PRKG1: variants seen among roughly 807,000 people sequenced by gnomAD.
The protein encoded by PRKG1 is protein kinase cGMP-dependent 1.
In PRKG1, 35 loss-of-function variants were observed where a neutral mutation model predicts 88.1. The ratio of observed to expected loss-of-function variants is 0.40; its 90% CI spans 0.30 to 0.53. PRKG1 has a LOEUF of 0.53. Among genes scored for constraint, PRKG1 ranks in the 20% least tolerant of loss-of-function variants. The pLI is 0.59. For missense variants in PRKG1, 540 were observed against 839.8 expected (o/e 0.64, Z 4.41); for synonymous variants, 303 against 292.5 (o/e 1.04, Z -0.37).
intron 9 of PRKG1, among the ~76,000 whole-genome samples, chr10:52,226,130 G>A (rs527469017): frequency 6.6e-6 from 1 of 150,454 alleles, no homozygotes; most frequent in Non-Finnish European, 1.5e-5. Flanking sequence ...TTTGCTAAAA[G>A]TACTTCATGA....
chr10:52,017,012 T>C (rs1159728527), intron 5 of PRKG1, among the ~76,000 whole-genome samples: 1 of 152,124 alleles, frequency 6.6e-6, no homozygotes, highest in South Asian at 2.1e-4. Flanking sequence ...CAAAAAGACA[T>C]GTAAATTCCC....
intron 3 of PRKG1, among the ~76,000 whole-genome samples, chr10:51,495,263 T>A (rs1371062231): frequency 6.6e-6 from 1 of 151,980 alleles, no homozygotes; most frequent in Non-Finnish European, 1.5e-5. Flanking sequence ...CCCAGCTAAT[T>A]TTTTGTATTT....
intron 4 of PRKG1, among the ~76,000 whole-genome samples, chr10:51,847,603 ATT>A: frequency 6.7e-6 from 1 of 149,002 alleles, no homozygotes; most frequent in East Asian, 2.0e-4. Flanking sequence ...TTTAACAATG[ATT>A]TTTTTTTTCT....
intron 3 of PRKG1, among the ~76,000 whole-genome samples, chr10:51,762,517 T>A (rs1239546557): frequency 2.6e-5 from 4 of 152,192 alleles, no homozygotes; most frequent in African/African-American, 9.6e-5. Context: ...ATTCTACATC[T>A]AAAATATGAT....
chr10:51,294,987 G>C (rs909467720), intron 2 of PRKG1, among the ~76,000 whole-genome samples: 4 of 152,116 alleles, frequency 2.6e-5, no homozygotes, highest in South Asian at 4.1e-4. Context: ...GGAGACTGAG[G>C]GGGGAGGATT....
At chr10:52,106,351 G>T (rs570057394) in intron 7 of PRKG1, among the ~76,000 whole-genome samples, 5 of 152,282 alleles carry the variant, frequency 3.3e-5, no homozygotes, top group East Asian at 1.9e-4. Flanking sequence ...ACAGTGAACA[G>T]TTTTGTTACT....
At chr10:51,240,529 C>G (rs1839124101) in intron 2 of PRKG1, among the ~76,000 whole-genome samples, 1 of 152,152 alleles carries the variant, frequency 6.6e-6, no homozygotes, top group Non-Finnish European at 1.5e-5. Context: ...ATATTTTTGT[C>G]TCATCAGTAG....
intron 7 of PRKG1, among the ~76,000 whole-genome samples, chr10:52,132,850 G>A (rs1423613215): frequency 6.6e-6 from 1 of 151,962 alleles, no homozygotes; most frequent in South Asian, 2.1e-4. Context: ...TACATAGTAG[G>A]GAGTACATGA....
rs374624311 is a variant in PRKG1, at chr10:51,030,938, T to C, written c.266+39294T>C. The stretch of plus-strand genomic sequence containing the variant: ...GGTATTCCTTTATGGCAACACAAAA[T>C]GGACTAACAAAACTACCTCTCAGTT... On this transcript the variant is annotated intron_variant, in intron 1 of 17. Coordinates refer to the PRKG1 transcript ENST00000401604. Among the ~76,000 whole-genome samples, 3 of 152,286 alleles carry C rather than the reference T, an allele frequency of 2.0e-5. No homozygotes were observed. The South Asian group carries it at 6.2e-4, about 32-fold the overall frequency.
intron 2 of PRKG1, among the ~76,000 whole-genome samples, chr10:51,409,313 G>A (rs1164805649): frequency 6.6e-6 from 1 of 152,158 alleles, no homozygotes; most frequent in African/African-American, 2.4e-5. Flanking sequence ...AGGGTGGCAG[G>A]AGTGGAGACC....
chr10:52,294,151 A>G lies in PRKG1; in HGVS notation c.*251A>G. 2 of 372,788 alleles carry G rather than the reference A, an allele frequency of 5.4e-6. No homozygotes were observed. Among genetic ancestry groups the G allele is most frequent in the South Asian group, 1.0e-4 (2 of 19,560 alleles). The allele number at this position is 372,788 out of a possible 1,614,324, so 23.1% of individuals were successfully genotyped here. ...TCCTGAAGCAAAGCCTTTCACCAGT[A>G]AAAGATGTTTTCTATTGTTGCAATG... On this transcript the variant is annotated 3_prime_UTR_variant, in exon 18 of 18. Transcript: ENST00000373980.
upstream of PRKG1, among the ~76,000 whole-genome samples, chr10:51,071,947 C>A (rs1843832055): frequency 6.6e-6 from 1 of 151,996 alleles, no homozygotes; most frequent in South Asian, 2.1e-4. Context: ...GCCTATAATC[C>A]CAGCATTTTT....
At chr10:51,860,998 A>C (rs1840858822) in intron 4 of PRKG1, among the ~76,000 whole-genome samples, 1 of 152,232 alleles carries the variant, frequency 6.6e-6, no homozygotes, top group Non-Finnish European at 1.5e-5. Context: ...CATGTATCAC[A>C]CATGTGTTGG....
intron 2 of PRKG1, among the ~76,000 whole-genome samples, chr10:51,365,308 T>C (rs955614883): frequency 6.6e-6 from 1 of 151,876 alleles, no homozygotes; most frequent in Non-Finnish European, 1.5e-5. Flanking sequence ...CCAATCTCTT[T>C]CCATACTGTC....
At position 51,762,614 on chromosome 10, in the gene PRKG1, T is replaced by TA. The variant is rs1312108891; in HGVS notation, c.593-41970dup. Among the ~76,000 whole-genome samples the TA allele has an allele frequency of 5.9e-5, 9 of 152,352 alleles. No homozygotes were observed. In the East Asian group the frequency reaches 1.7e-3, roughly 29 times the overall value. ...AGCAATGATAACAATGACTTTTTTT[T>TA]ACCTAGGAGTGTTTAAAAACATTTC... On this transcript the variant is annotated intron_variant, in intron 3 of 17. Transcript: ENST00000373980.
intron 2 of PRKG1, among the ~76,000 whole-genome samples, chr10:51,193,445 C>A (rs958999850): frequency 5.3e-5 from 8 of 151,802 alleles, no homozygotes; most frequent in Non-Finnish European, 8.8e-5. Flanking sequence ...AGAACCACTG[C>A]CGCAGATTTT....
intron 5 of PRKG1, among the ~76,000 whole-genome samples, chr10:51,936,771 A>G (rs1842808766): frequency 6.6e-6 from 1 of 152,090 alleles, no homozygotes; most frequent in Non-Finnish European, 1.5e-5. Context: ...GGCAGAATCA[A>G]AGGAAATGAC....
chr10:51,650,189 C>A (rs975071837), intron 3 of PRKG1, among the ~76,000 whole-genome samples: 2 of 152,174 alleles, frequency 1.3e-5, no homozygotes, highest in Admixed American at 6.5e-5. Context: ...ACCTATCCAG[C>A]CTGCCGTGCT....
chr10:51,335,006 T>C, intron 2 of PRKG1, among the ~76,000 whole-genome samples: 1 of 135,854 alleles, frequency 7.4e-6, no homozygotes, highest in African/African-American at 2.8e-5. Context: ...TTTCTTTTTT[T>C]TTTTTTTTTT....
Sources: allele counts gnomAD v4.1 joint callset (sites outside exome capture counted in the v4.1 genomes callset), GRCh38; gene constraint gnomAD v4.1.1; transcripts MANE v1.5; gene names NCBI Gene and HGNC (gene_info 2026-07-23, HGNC 2026-07-21).